KHDRBS3: variants seen among roughly 807,000 people sequenced by gnomAD.
KHDRBS3 encodes KH RNA binding domain containing, signal transduction associated 3, also known as KH domain-containing, RNA-binding, signal transduction-associated protein 3.
In KHDRBS3, 23 loss-of-function variants were observed where a neutral mutation model predicts 45.6. The ratio of observed to expected loss-of-function variants is 0.50; its 90% CI spans 0.36 to 0.72. KHDRBS3 has a LOEUF of 0.72. Among genes scored for constraint, KHDRBS3 ranks in the 30% least tolerant of loss-of-function variants. The probability of loss-of-function intolerance (pLI) is 0.00; values close to 1 mark genes in which losing one functional copy is unlikely to be tolerated. For missense variants in KHDRBS3, 352 were observed against 424.8 expected (o/e 0.83, Z 1.51); for synonymous variants, 162 against 156.5 (o/e 1.04, Z -0.26).
intron 2 of KHDRBS3, among the ~76,000 whole-genome samples, chr8:135,537,888 A>T (rs1212508796): frequency 6.6e-6 from 1 of 152,214 alleles, no homozygotes; most frequent in Non-Finnish European, 1.5e-5. Flanking sequence ...CTTATTTCTT[A>T]CTGTCTTGCA....
chr8:135,537,293 T>C (rs1211348801), intron 2 of KHDRBS3, among the ~76,000 whole-genome samples: 1 of 152,162 alleles, frequency 6.6e-6, no homozygotes, highest in Non-Finnish European at 1.5e-5. Flanking sequence ...ATTATACTAA[T>C]CAGCTTTTTG....
At chr8:135,557,708 A>C (rs1203808142) in intron 5 of KHDRBS3, 121 bp downstream of exon 5, 13 of 745,238 alleles carry the variant, frequency 1.7e-5, no homozygotes, top group Non-Finnish European at 2.7e-5. Context: ...ATGGTGGCAC[A>C]TGCCTGTAGT....
intron 1 of KHDRBS3, among the ~76,000 whole-genome samples, chr8:135,461,302 A>C (rs1237312303): frequency 2.0e-5 from 3 of 151,986 alleles, no homozygotes; most frequent in Non-Finnish European, 4.4e-5. Flanking sequence ...ACGGGGTTTC[A>C]CTGTGTTGGC....
chr8:135,462,685 T>C (rs1230637459), intron 1 of KHDRBS3, among the ~76,000 whole-genome samples: 2 of 152,196 alleles, frequency 1.3e-5, no homozygotes, highest in African/African-American at 4.8e-5. Context: ...GTTATTAGCC[T>C]AGTTTTTCAG....
rs567800137 is a variant in KHDRBS3 at position 135,594,698 on chromosome 8, A to C, written c.808-12257A>C. Among the ~76,000 whole-genome samples, 6 of 152,332 alleles carry C rather than the reference A, an allele frequency of 3.9e-5. No homozygotes were observed. The East Asian group carries it at 1.2e-3, about 29-fold the overall frequency. On this transcript the variant is annotated intron_variant, in intron 6 of 8. Transcript: ENST00000355849. ...TATAAAAATTGTAATATCCAGTACT[A>C]TTCACATGTGCTAGAATGACTAAAA...
chr8:135,515,931 A>T (rs1301327619), intron 1 of KHDRBS3, among the ~76,000 whole-genome samples: 1 of 152,182 alleles, frequency 6.6e-6, no homozygotes, highest in Non-Finnish European at 1.5e-5. Flanking sequence ...TAACCACAGG[A>T]ATGTGTGTTC....
intron 7 of KHDRBS3, among the ~76,000 whole-genome samples, chr8:135,641,393 T>G (rs1038549429): frequency 1.3e-5 from 2 of 152,182 alleles, no homozygotes; most frequent in Non-Finnish European, 2.9e-5. Context: ...AGTTTTATGG[T>G]GAGGTTACTC....
chr8:135,549,003 C>A (rs1826450989), intron 4 of KHDRBS3, 103 bp downstream of exon 4: 2 of 728,866 alleles, frequency 2.7e-6, no homozygotes, highest in Admixed American at 3.6e-5. Context: ...TCCTTTTCTG[C>A]TGTAAAGCTG....
chr8:135,538,303 G>A (rs552405105), intron 2 of KHDRBS3, among the ~76,000 whole-genome samples: 24 of 152,258 alleles, frequency 1.6e-4, no homozygotes, highest in Non-Finnish European at 2.9e-4. Context: ...ACTAACTCAG[G>A]ACATATGTCT....
chr8:135,598,206 G>T (rs1337288191), intron 6 of KHDRBS3, among the ~76,000 whole-genome samples: 1 of 152,158 alleles, frequency 6.6e-6, no homozygotes, highest in Non-Finnish European at 1.5e-5. Context: ...AAATACCTTG[G>T]ATAGCTTTGA....
intron 6 of KHDRBS3, among the ~76,000 whole-genome samples, chr8:135,606,223 T>C (rs966862365): frequency 1.3e-5 from 2 of 151,994 alleles, no homozygotes; most frequent in Non-Finnish European, 2.9e-5. Flanking sequence ...AGGTCTTTTC[T>C]GGGCATGGAT....
chr8:135,527,768 A>G (rs1432390803), intron 2 of KHDRBS3, among the ~76,000 whole-genome samples: 1 of 152,222 alleles, frequency 6.6e-6, no homozygotes, highest in Non-Finnish European at 1.5e-5. Context: ...AAGTGAAAAA[A>G]GAAAAGTCAA....
At chr8:135,488,988 A>T (rs1823004476) in intron 1 of KHDRBS3, among the ~76,000 whole-genome samples, 1 of 152,140 alleles carries the variant, frequency 6.6e-6, no homozygotes, top group South Asian at 2.1e-4. Context: ...AGCCTTCTGT[A>T]TTTTTCTGAA....
At chr8:135,593,378 T>C (rs1828833690) in intron 6 of KHDRBS3, 1 of 152,230 alleles carries the variant, frequency 6.6e-6, no homozygotes, top group South Asian at 2.1e-4. Flanking sequence ...TTTAAGGTAC[T>C]TATCTTAGAG....
intron 1 of KHDRBS3, among the ~76,000 whole-genome samples, chr8:135,475,762 C>A: frequency 6.6e-6 from 1 of 152,100 alleles, no homozygotes; most frequent in Non-Finnish European, 1.5e-5. Flanking sequence ...CATTTATAGA[C>A]CATATTTTTC....
intron 2 of KHDRBS3, among the ~76,000 whole-genome samples, chr8:135,534,387 G>A (rs2130727704): frequency 6.6e-6 from 1 of 151,852 alleles, no homozygotes; most frequent in African/African-American, 2.4e-5. Flanking sequence ...ATACTTTCGG[G>A]GCATTAATTT....
intron 2 of KHDRBS3, among the ~76,000 whole-genome samples, chr8:135,527,825 G>A (rs887373725): frequency 8.5e-5 from 13 of 152,312 alleles, no homozygotes; most frequent in Admixed American, 5.9e-4. Context: ...TTGAAAAAGC[G>A]AACCAGAATC....
chr8:135,616,330 A>G (rs1344795469), intron 7 of KHDRBS3, among the ~76,000 whole-genome samples: 3 of 152,090 alleles, frequency 2.0e-5, no homozygotes, highest in Non-Finnish European at 2.9e-5. Context: ...AGTAAGGGGG[A>G]AAAAAATTAG....
chr8:135,571,243 C>CTTT (rs554778859), intron 5 of KHDRBS3, among the ~76,000 whole-genome samples: 121 of 152,264 alleles, frequency 7.9e-4, no homozygotes, highest in African/African-American at 2.9e-3. Flanking sequence ...AAAGTTTAAA[C>CTTT]AAGATCCACT....
Sources: gnomAD v4.1 joint callset for allele counts (sites outside exome capture counted in the v4.1 genomes callset) on GRCh38, gnomAD v4.1.1 for gene constraint, MANE v1.5 for transcripts, NCBI Gene and HGNC (gene_info 2026-07-23, HGNC 2026-07-21) for gene names.